Variants in CTNNA2 observed in about 807,000 individuals in gnomAD.
The protein encoded by CTNNA2 is catenin alpha-2.
In CTNNA2, 42 loss-of-function variants were observed where a neutral mutation model predicts 101.0. That is an observed-to-expected ratio of 0.42 (90% CI 0.32 to 0.54). CTNNA2 has a LOEUF of 0.54. CTNNA2 is among the 20% of genes least tolerant of loss of function. CTNNA2 has a pLI of 0.14. For synonymous variants in CTNNA2, 450 were observed against 456.4 expected, an observed-to-expected ratio of 0.99 and a Z score of 0.18; for missense variants, 871 against 1,223.1, an observed-to-expected ratio of 0.71 and a Z score of 4.29.
At chr2:79,893,773 G>A (rs192714722) in intron 6 of CTNNA2, among the ~76,000 whole-genome samples, 1 of 152,186 alleles carries the variant, frequency 6.6e-6, no homozygotes, top group South Asian at 2.1e-4. Flanking sequence ...GTTCTTTAGA[G>A]ATATTTTAAG....
chr2:79,322,176 A>G (rs571769956), intron 3 of CTNNA2, among the ~76,000 whole-genome samples: 1 of 152,296 alleles, frequency 6.6e-6, no homozygotes, highest in East Asian at 1.9e-4. Flanking sequence ...CCCGAAGGAG[A>G]TGTCTTCAAA....
In CTNNA2 at chr2:80,065,605, G is replaced by A. The variant is rs542488505; in HGVS notation, c.1056+155808G>A. Among the ~76,000 whole-genome samples, 3 of 152,180 alleles carry A rather than the reference G, an allele frequency of 2.0e-5. No homozygotes were observed. The South Asian group carries it at 6.2e-4, about 32-fold the overall frequency. ...CTGACCTTGTGATCTGCCCGCCTCG[G>A]CCTCCCAAAGTGCTGGGATTACAAG... On this transcript the variant is annotated intron_variant, in intron 7 of 18. Transcript: ENST00000402739.
rs145063111 is a variant in CTNNA2, at chr2:80,364,398, C to A, written c.1057-28813C>A. Among the ~76,000 whole-genome samples the A allele has an allele frequency of 2.0e-3, 299 of 152,004 alleles. 1 individual carries two copies. Among genetic ancestry groups the A allele is most frequent in the Non-Finnish European group, 2.5e-3 (173 of 67,958 alleles). ...TCTTTTCTCCTTTCCCTTTTTAAAACACAGTTTACAAAAAAGGAGATGGTG... is the reference window on the plus strand; with the variant it reads ...TCTTTTCTCCTTTCCCTTTTTAAAAAACAGTTTACAAAAAAGGAGATGGTG... On this transcript the variant is annotated intron_variant, in intron 7 of 18. Transcript: ENST00000402739.
chr2:79,479,259 TG>T (rs138405124), intron 4 of CTNNA2, among the ~76,000 whole-genome samples: 4 of 152,296 alleles, frequency 2.6e-5, no homozygotes, highest in African/African-American at 9.6e-5. Context: ...CAGGATGCCA[TG>T]TCCAAGTCCC....
At chr2:79,591,081 G>A (rs112666336) in intron 1 of CTNNA2, among the ~76,000 whole-genome samples, 3,634 of 152,228 alleles carry the variant, frequency 0.024, 146 homozygotes, top group African/African-American at 0.081. Context: ...AAATTCAAAT[G>A]TCCAGGCTAA....
intron 6 of CTNNA2, among the ~76,000 whole-genome samples, chr2:79,897,334 G>A (rs200173911): frequency 4.8e-5 from 7 of 146,194 alleles, no homozygotes; most frequent in South Asian, 2.2e-4. Flanking sequence ...GCTTTACCGA[G>A]AAAAAAAAAA....
At chr2:79,868,856 G>A (rs952181004) in intron 4 of CTNNA2, among the ~76,000 whole-genome samples, 2 of 152,110 alleles carry the variant, frequency 1.3e-5, no homozygotes, top group Admixed American at 6.6e-5. Context: ...ATTCACTCAG[G>A]ACTGTGTTCT....
At chr2:79,820,558 G>C (rs934103276) in intron 3 of CTNNA2, among the ~76,000 whole-genome samples, 1 of 152,160 alleles carries the variant, frequency 6.6e-6, no homozygotes, top group Non-Finnish European at 1.5e-5. Context: ...TGGAGTCAAA[G>C]TGACATGTTT....
chr2:80,264,081 AAATAAT>A (rs1187873198), intron 7 of CTNNA2, among the ~76,000 whole-genome samples: 1 of 152,190 alleles, frequency 6.6e-6, no homozygotes, highest in Non-Finnish European at 1.5e-5. Context: ...ACTTAACCAT[AAATAAT>A]AGAGTGCTTA....
chr2:79,684,273 A>G (rs1452417301), intron 2 of CTNNA2, among the ~76,000 whole-genome samples: 3 of 152,214 alleles, frequency 2.0e-5, no homozygotes, highest in South Asian at 2.1e-4. Flanking sequence ...GCAATACTTT[A>G]TGATATTTTC....
intron 4 of CTNNA2, among the ~76,000 whole-genome samples, chr2:79,391,496 T>C (rs1367011745): frequency 6.6e-6 from 1 of 152,186 alleles, no homozygotes; most frequent in Admixed American, 6.5e-5. Context: ...ATGTTATCAG[T>C]AAGGTTTCCA....
chr2:80,158,658 C>CCAAT (rs957789690), intron 7 of CTNNA2, among the ~76,000 whole-genome samples: 12 of 152,144 alleles, frequency 7.9e-5, no homozygotes, highest in Non-Finnish European at 1.6e-4. Flanking sequence ...GCCTGTAATC[C>CCAAT]CAATACTTTG....
chr2:79,859,288 G>C (rs1421206606), intron 4 of CTNNA2, among the ~76,000 whole-genome samples: 1 of 152,002 alleles, frequency 6.6e-6, no homozygotes, highest in Non-Finnish European at 1.5e-5. Context: ...AGGGACCAGG[G>C]GAGATAGGAA....
intron 3 of CTNNA2, among the ~76,000 whole-genome samples, chr2:79,810,926 A>G (rs946323264): frequency 1.3e-5 from 2 of 151,414 alleles, no homozygotes; most frequent in South Asian, 2.1e-4. Flanking sequence ...CCAGTCTATC[A>G]TTGTTGGACA....
At chr2:79,340,814 A>G (rs1677116711) in intron 3 of CTNNA2, among the ~76,000 whole-genome samples, 2 of 140,748 alleles carry the variant, frequency 1.4e-5, no homozygotes, top group African/African-American at 5.4e-5. Context: ...AGCCTGGGCT[A>G]CAGAGCGAGA....
chr2:79,413,655 A>G (rs1678443203), intron 4 of CTNNA2, among the ~76,000 whole-genome samples: 2 of 151,940 alleles, frequency 1.3e-5, no homozygotes, highest in Non-Finnish European at 2.9e-5. Flanking sequence ...TAACATAATG[A>G]TTATAGTAAT....
chr2:80,424,171 G>A (rs555776202), intron 9 of CTNNA2, among the ~76,000 whole-genome samples: 2 of 152,214 alleles, frequency 1.3e-5, no homozygotes, highest in East Asian at 1.9e-4. Context: ...GGCCAGGCTG[G>A]TCTCAAACTC....
At chr2:80,365,326 C>T (rs1674815303) in intron 7 of CTNNA2, among the ~76,000 whole-genome samples, 1 of 152,204 alleles carries the variant, frequency 6.6e-6, no homozygotes, top group African/African-American at 2.4e-5. Flanking sequence ...CCACTGTTCA[C>T]TGTTGACATG....
At chr2:80,077,889 T>C (rs1698866042) in intron 7 of CTNNA2, among the ~76,000 whole-genome samples, 1 of 152,178 alleles carries the variant, frequency 6.6e-6, no homozygotes, top group African/African-American at 2.4e-5. Flanking sequence ...TAAAGGCATG[T>C]AGACTTTTCA....
Sources: allele counts gnomAD v4.1 joint callset (sites outside exome capture counted in the v4.1 genomes callset), GRCh38; gene constraint gnomAD v4.1.1; transcripts MANE v1.5; gene names NCBI Gene and HGNC (gene_info 2026-07-23, HGNC 2026-07-21).